STAU2: variants seen among roughly 807,000 people sequenced by gnomAD.
STAU2 encodes the protein double-stranded RNA-binding protein Staufen homolog 2.
A neutral mutation model predicts 65.9 loss-of-function variants in STAU2; 20 were observed. The observed-to-expected ratio is 0.30, with a 90% CI of 0.21 to 0.44. STAU2 has a LOEUF of 0.44. Among genes scored for constraint, STAU2 ranks in the 20% least tolerant of loss-of-function variants. STAU2 has a pLI of 1.00. For missense variants in STAU2, 558 were observed against 683.9 expected (o/e 0.82, Z 2.05); for synonymous variants, 232 against 233.9 (o/e 0.99, Z 0.07).
chr8:73,427,043 C>T (rs978400130), intron 13 of STAU2, among the ~76,000 whole-genome samples: 1 of 151,754 alleles, frequency 6.6e-6, no homozygotes, highest in African/African-American at 2.4e-5. Flanking sequence ...ATTCTCCTGC[C>T]TCAGCCTCCC....
At chr8:73,501,330 G>A (rs1821737938) in intron 13 of STAU2, among the ~76,000 whole-genome samples, 1 of 151,686 alleles carries the variant, frequency 6.6e-6, no homozygotes, top group Non-Finnish European at 1.5e-5. Context: ...GCTTTTAGAT[G>A]GAAATACATC....
At chr8:73,472,128 G>T (rs1166689818) in intron 13 of STAU2, among the ~76,000 whole-genome samples, 2 of 152,146 alleles carry the variant, frequency 1.3e-5, no homozygotes, top group Admixed American at 1.3e-4. Context: ...TAGTGTACTA[G>T]AATTGGGTGG....
At position 73,741,891 on chromosome 8, in the gene STAU2, C is replaced by T. The variant is rs562506502; in HGVS notation, c.-196-2023G>A. Among the ~76,000 whole-genome samples the T allele has an allele frequency of 5.3e-5, 8 of 152,294 alleles. No homozygotes were observed. The East Asian group carries it at 9.6e-4, about 18-fold the overall frequency. ...TAAAACTTTATGAACATAAAATTAA[C>T]CATACGATTTAAATATTCTGTAAGC... On this transcript the variant is annotated intron_variant, in intron 1 of 14. Coordinates refer to ENST00000524300, the MANE Select transcript of STAU2 (RefSeq NM_001164380.2).
intron 13 of STAU2, among the ~76,000 whole-genome samples, chr8:73,451,543 G>A (rs1818801914): frequency 6.6e-6 from 1 of 151,734 alleles, no homozygotes; most frequent in Non-Finnish European, 1.5e-5. Flanking sequence ...ATACGGCTGA[G>A]GCATGAAGCA....
chr8:73,576,465 T>G (rs982523559), intron 12 of STAU2, among the ~76,000 whole-genome samples: 1 of 151,604 alleles, frequency 6.6e-6, no homozygotes, highest in Admixed American at 6.6e-5. Flanking sequence ...TTGATGAAAT[T>G]ATGAGGAATA....
intron 13 of STAU2, among the ~76,000 whole-genome samples, chr8:73,437,552 C>G (rs1490314218): frequency 1.3e-5 from 2 of 152,176 alleles, no homozygotes; most frequent in East Asian, 3.9e-4. Context: ...AGACTTCTGA[C>G]CTATAGAACT....
At chr8:73,428,914 G>A (rs930947208) in intron 13 of STAU2, among the ~76,000 whole-genome samples, 7 of 152,144 alleles carry the variant, frequency 4.6e-5, no homozygotes, top group Non-Finnish European at 5.9e-5. Flanking sequence ...CAGGTCCCCC[G>A]TGCACTGTCA....
chr8:73,666,960 G>C (rs569991654), intron 6 of STAU2, among the ~76,000 whole-genome samples: 1 of 152,306 alleles, frequency 6.6e-6, no homozygotes, highest in African/African-American at 2.4e-5. Context: ...GCCATAAAGA[G>C]TGATAAAATG....
intron 3 of STAU2, among the ~76,000 whole-genome samples, chr8:73,719,273 C>T (rs986477180): frequency 3.7e-4 from 56 of 151,904 alleles, no homozygotes; most frequent in African/African-American, 1.2e-3. Context: ...GACATAGTGG[C>T]GGGTGTCTGT....
intron 13 of STAU2, among the ~76,000 whole-genome samples, chr8:73,504,505 G>T (rs921908346): frequency 1.3e-5 from 2 of 152,044 alleles, no homozygotes; most frequent in Non-Finnish European, 2.9e-5. Flanking sequence ...CATTTCAAAT[G>T]TATAGAGTGT....
At chr8:73,674,702 T>A (rs923298344) in intron 5 of STAU2, among the ~76,000 whole-genome samples, 2 of 149,258 alleles carry the variant, frequency 1.3e-5, no homozygotes, top group African/African-American at 4.9e-5. Flanking sequence ...ATAAAATTAT[T>A]TTATATATAT....
intron 3 of STAU2, chr8:73,732,440 G>A (rs200025764): frequency 6.6e-6 from 1 of 151,988 alleles, no homozygotes; most frequent in East Asian, 1.9e-4. Context: ...ATATCGGGAT[G>A]CCGGGATCAT....
intron 4 of STAU2, among the ~76,000 whole-genome samples, chr8:73,690,328 CAAAAAAAAA>C (rs56744849): frequency 1.7e-4 from 10 of 58,252 alleles, no homozygotes; most frequent in African/African-American, 6.6e-4. Context: ...GACTCTGTCT[CAAAAAAAAA>C]AAAAAAAAAG....
intron 4 of STAU2, among the ~76,000 whole-genome samples, chr8:73,702,315 T>C (rs934543164): frequency 3.9e-5 from 6 of 152,130 alleles, no homozygotes; most frequent in African/African-American, 1.2e-4. Context: ...TTATTATGCA[T>C]TGCGTGTCTA....
intron 5 of STAU2, among the ~76,000 whole-genome samples, chr8:73,679,601 G>C (rs1005060481): frequency 6.6e-6 from 1 of 151,820 alleles, no homozygotes; most frequent in African/African-American, 2.4e-5. Context: ...GAAGAAGCAG[G>C]CCAGGAATGG....
rs377381853 is a variant in STAU2, at chr8:73,460,520, G to C, written c.1531-37818C>G. Among the ~76,000 whole-genome samples the C allele has an allele frequency of 2.6e-5, 4 of 152,318 alleles. No homozygotes were observed. The East Asian group carries it at 7.7e-4, about 29-fold the overall frequency. ...GAAATTGATGTGAGTACCCAACAGAGGTAAAGGATGGCTAAATAATTATTA... is the reference window on the plus strand; with the variant it reads ...GAAATTGATGTGAGTACCCAACAGACGTAAAGGATGGCTAAATAATTATTA... On this transcript the variant is annotated intron_variant, in intron 13 of 14. Coordinates refer to ENST00000524300, the MANE Select transcript of STAU2 (RefSeq NM_001164380.2).
intron 13 of STAU2, among the ~76,000 whole-genome samples, chr8:73,496,120 C>A (rs144366433): frequency 6.6e-6 from 1 of 150,806 alleles, no homozygotes; most frequent in African/African-American, 2.4e-5. Context: ...ACAAATATAG[C>A]AAAATATTAA....
At chr8:73,644,049 T>A (rs1815181479) in intron 6 of STAU2, among the ~76,000 whole-genome samples, 2 of 152,148 alleles carry the variant, frequency 1.3e-5, no homozygotes, top group African/African-American at 4.8e-5. Context: ...TTTTACAAAC[T>A]TACCTGACAA....
chr8:73,681,916 C>T (rs1468072946), intron 5 of STAU2, among the ~76,000 whole-genome samples: 2 of 152,202 alleles, frequency 1.3e-5, no homozygotes, highest in East Asian at 3.9e-4. Context: ...ACTAGTCCAA[C>T]AGGAAAATAT....
Sources: allele counts gnomAD v4.1 joint callset (sites outside exome capture counted in the v4.1 genomes callset), GRCh38; gene constraint gnomAD v4.1.1; transcripts MANE v1.5; gene names NCBI Gene and HGNC (gene_info 2026-07-23, HGNC 2026-07-21).